EVC2: variants seen among roughly 807,000 people sequenced by gnomAD.
The protein encoded by EVC2 is EvC ciliary complex subunit 2, also known as limbin.
In EVC2, 148 loss-of-function variants were observed where a neutral mutation model predicts 149.3. That is an observed-to-expected ratio of 0.99 (90% confidence interval 0.87 to 1.14). The LOEUF (loss-of-function observed/expected upper bound fraction) is 1.14, where lower values mean the gene tolerates loss of function less well. EVC2 is among the 50% of genes most tolerant of loss of function. The pLI is 0.00. For missense variants in EVC2, 1,854 were observed against 1,627.3 expected, an observed-to-expected ratio of 1.14 and a Z score of -2.40; for synonymous variants, 776 against 649.9, an observed-to-expected ratio of 1.19 and a Z score of -2.95.
Position 5,622,545 on chromosome 4 carries a change from C to T in EVC2, c.2493G>A (p.Leu831=), listed in dbSNP as rs369796222. The part of the protein sequence containing the change: ...EQAELRRWEH[L]IFMKLCSSVF... ...CCCGCAAAGGCACTCACATGAAGATCAGGTGCTCCCAGCGTCGCAGCTCTG... is the reference window on the plus strand; with the variant it reads ...CCCGCAAAGGCACTCACATGAAGATTAGGTGCTCCCAGCGTCGCAGCTCTG... Residue 831 remains leucine, a synonymous_variant, in exon 14 of 22, where the codon CTG becomes CTA. Coordinates refer to ENST00000344408, the MANE Select transcript of EVC2 (RefSeq NM_147127.5). The surrounding 1 kb of genome is among the most constrained non-coding windows in gnomAD (Gnocchi z 5.8). 6.2e-7 allele frequency: 1 copy of T among 1,613,768 alleles called. No individual in the cohort carries two copies. Among genetic ancestry groups the T allele is most frequent in the Non-Finnish European group, 8.5e-7 (1 of 1,179,894 alleles).
intron 9 of EVC2, among the ~76,000 whole-genome samples, chr4:5,662,161 C>T (rs893055392): frequency 6.6e-6 from 1 of 152,132 alleles, no homozygotes; most frequent in Non-Finnish European, 1.5e-5. Context: ...ACGCACCTTG[C>T]TCCTTTCACG....
chr4:5,640,814 C>G lies in EVC2; in HGVS notation c.1170G>C (p.Arg390=). ...LEELEIATLN[R]ADADLEACRT... is the part of the protein sequence containing the mutation. ...GACAAGCCTCCAGATCTGCATCTGC[C>G]CGATTCAGGGTTGCAATCTCCAACC... Residue 390 remains arginine, a synonymous_variant, in exon 10 of 22, where the codon CGG becomes CGC. Coordinates refer to ENST00000344408, the MANE Select transcript of EVC2 (RefSeq NM_147127.5). This position sits in a 1 kb window ranked among gnomAD's most constrained non-coding sequence, Gnocchi z 4.6. 3.7e-6 allele frequency: 6 copies of G among 1,614,136 alleles called. No individual in the cohort carries two copies. The highest frequency in any genetic ancestry group is 4.2e-6 in the Non-Finnish European group (5 of 1,180,030).
At chr4:5,604,831 T>C (rs976994494) in intron 16 of EVC2, among the ~76,000 whole-genome samples, 3 of 151,764 alleles carry the variant, frequency 2.0e-5, no homozygotes, top group African/African-American at 7.3e-5. Flanking sequence ...ACCAATATTG[T>C]ATCAGTTAAA....
At chr4:5,705,067 G>A (rs906042750) in intron 1 of EVC2, among the ~76,000 whole-genome samples, 5 of 152,270 alleles carry the variant, frequency 3.3e-5, no homozygotes, top group Non-Finnish European at 5.9e-5. Flanking sequence ...ATTACACAGT[G>A]TAACAGATAA....
At chr4:5,608,199 C>A (rs1287342918) in intron 16 of EVC2, among the ~76,000 whole-genome samples, 1 of 152,164 alleles carries the variant, frequency 6.6e-6, no homozygotes, top group African/African-American at 2.4e-5. Flanking sequence ...TGGATATCTG[C>A]AGAAGATTTC....
the EVC2 span, among the ~76,000 whole-genome samples, chr4:5,536,595 T>C: frequency 2.0e-4 from 31 of 152,180 alleles, no homozygotes; most frequent in East Asian, 5.8e-4. Flanking sequence ...CCATCTTGGC[T>C]AACATGGTGA....
At chr4:5,604,278 CAT>C (rs1342429761) in intron 16 of EVC2, among the ~76,000 whole-genome samples, 5 of 152,202 alleles carry the variant, frequency 3.3e-5, no homozygotes, top group Non-Finnish European at 7.3e-5. Flanking sequence ...AGGGAACTCT[CAT>C]ATATTGATAT....
chr4:5,688,698 C>T (rs1480645812), intron 5 of EVC2, among the ~76,000 whole-genome samples: 1 of 152,118 alleles, frequency 6.6e-6, no homozygotes, highest in Non-Finnish European at 1.5e-5. Context: ...CCTGAACACA[C>T]CTGGACAGCT....
chr4:5,709,083 G>T (rs12501367), upstream of EVC2: 14,474 of 152,528 alleles, frequency 0.095, 857 homozygotes, highest in East Asian at 0.22. Flanking sequence ...CGAGCCTGCT[G>T]TGGGTCAGCC....
At chr4:5,615,759 C>T (rs1195813089) in intron 15 of EVC2, among the ~76,000 whole-genome samples, 2 of 152,180 alleles carry the variant, frequency 1.3e-5, no homozygotes, top group Non-Finnish European at 2.9e-5. Context: ...GGGCTCCTCC[C>T]ACCAAAGGGA....
At chr4:5,620,570 C>T (rs1017129773) in intron 14 of EVC2, among the ~76,000 whole-genome samples, 1 of 152,160 alleles carries the variant, frequency 6.6e-6, no homozygotes, top group African/African-American at 2.4e-5. Context: ...TGTGCAAAAC[C>T]ATTTTTGCAT....
chr4:5,551,475 T>G (rs1215373433), intron 21 of EVC2, among the ~76,000 whole-genome samples: 3 of 152,250 alleles, frequency 2.0e-5, no homozygotes, highest in African/African-American at 7.2e-5. Context: ...GGAATGGCTG[T>G]ATTTACCCAA....
intron 3 of EVC2, among the ~76,000 whole-genome samples, chr4:5,692,408 C>T (rs1386009726): frequency 1.3e-5 from 2 of 152,114 alleles, no homozygotes; most frequent in Non-Finnish European, 2.9e-5. Flanking sequence ...CTATTACTCC[C>T]ATTTTATAGA....
chr4:5,632,294 G>C (rs1418283074), intron 10 of EVC2, among the ~76,000 whole-genome samples: 2 of 152,110 alleles, frequency 1.3e-5, no homozygotes, highest in Non-Finnish European at 2.9e-5. Context: ...CACAGAACTT[G>C]CACACACACA....
intron 21 of EVC2, among the ~76,000 whole-genome samples, chr4:5,557,438 A>C (rs188687010): frequency 1.6e-3 from 245 of 152,306 alleles, no homozygotes; most frequent in Non-Finnish European, 2.7e-3. Context: ...TAAAAAACCT[A>C]TAGCTAATCT....
intron 12 of EVC2, 42 bp downstream of exon 12, chr4:5,628,517 G>T: frequency 4.3e-6 from 7 of 1,610,460 alleles, no homozygotes; most frequent in Non-Finnish European, 5.9e-6. Context: ...GCAGAAAACA[G>T]ACTAAGACAG....
intron 16 of EVC2, among the ~76,000 whole-genome samples, chr4:5,612,938 A>AG (rs1381789354): frequency 6.6e-6 from 1 of 150,628 alleles, no homozygotes; most frequent in African/African-American, 2.4e-5. Flanking sequence ...AAAAAAAAAA[A>AG]AAAAAAAAAA....
In EVC2 at chr4:5,640,443, T is replaced by C. The variant is rs1156786306; in HGVS notation, c.1470+71A>G. The C allele has an allele frequency of 6.3e-7, 1 of 1,582,350 alleles. No homozygotes were observed. Among genetic ancestry groups the C allele is most frequent in the African/African-American group, 1.4e-5 (1 of 73,908 alleles). ...TGGAGGAGGCAAATGGACAGATGAG[T>C]GGGTAGATGGATAAATGACAAATCC... is the stretch of plus-strand genomic sequence containing the variant. On this transcript the variant is annotated intron_variant, in intron 10 of 21. Transcript: ENST00000344408. This position sits in a 1 kb window ranked among gnomAD's most constrained non-coding sequence, Gnocchi z 4.6.
intron 11 of EVC2, among the ~76,000 whole-genome samples, chr4:5,629,367 C>T (rs1390570917): frequency 6.6e-6 from 1 of 152,178 alleles, no homozygotes; most frequent in Non-Finnish European, 1.5e-5. Flanking sequence ...GAAACTGAGT[C>T]CACATCAGAC....
Sources: allele counts gnomAD v4.1 joint callset (sites outside exome capture counted in the v4.1 genomes callset), GRCh38; gene constraint gnomAD v4.1.1; non-coding constraint Gnocchi (gnomAD v3.1); transcripts MANE v1.5; gene names NCBI Gene and HGNC (gene_info 2026-07-23, HGNC 2026-07-21).